Variants in RIC3 observed in about 807,000 individuals in gnomAD.
The protein encoded by RIC3 is protein RIC-3.
Under a neutral mutation model 27.3 loss-of-function variants are expected in RIC3, and 28 were observed. The ratio of observed to expected loss-of-function variants is 1.02; its 90% CI spans 0.76 to 1.41. The LOEUF (loss-of-function observed/expected upper bound fraction) is 1.41, where lower values mean the gene tolerates loss of function less well. Ranked by LOEUF, RIC3 falls within the 40% of genes most tolerant of loss-of-function variation. The pLI is 0.00. For missense variants in RIC3, 501 were observed against 444.7 expected (o/e 1.13, Z -1.14); for synonymous variants, 184 against 160.4 (o/e 1.15, Z -1.11).
At chr11:8,101,664 T>C, downstream of RIC3, 2 of 1,605,012 alleles carry the variant, frequency 1.2e-6, no homozygotes, top group Non-Finnish European at 1.7e-6. Context: ...GGAGCGGAGC[T>C]TGCCTGCCTG....
At chr11:8,144,787 C>A (rs938753825) in intron 1 of RIC3, among the ~76,000 whole-genome samples, 2 of 151,718 alleles carry the variant, frequency 1.3e-5, no homozygotes. Context: ...ACCCAAATGT[C>A]CAACAATGAT....
intron 5 of RIC3, among the ~76,000 whole-genome samples, chr11:8,123,385 C>A (rs1397621192): frequency 6.6e-6 from 1 of 151,748 alleles, no homozygotes; most frequent in Non-Finnish European, 1.5e-5. Flanking sequence ...ACCAAAAGTA[C>A]CAGAAAGAAA....
chr11:8,123,583 A>G (rs1304466118), intron 5 of RIC3, among the ~76,000 whole-genome samples: 1 of 152,208 alleles, frequency 6.6e-6, no homozygotes, highest in Admixed American at 6.5e-5. Context: ...TAATTAGACT[A>G]TATTATGAAC....
At chr11:8,094,083 A>G in the RIC3 span, 1 of 1,614,110 alleles carries the variant, frequency 6.2e-7, no homozygotes, top group East Asian at 2.2e-5. Context: ...TGCAGCTGGG[A>G]GCCACGCGCC....
intron 5 of RIC3, among the ~76,000 whole-genome samples, chr11:8,114,603 T>A (rs1187683121): frequency 8.3e-5 from 4 of 48,396 alleles, no homozygotes; most frequent in African/African-American, 1.9e-4. Context: ...CAAAACTCCA[T>A]CTCAAAAAAA....
rs148235840 is a variant in RIC3, at chr11:8,113,983, G to C, written c.671-2846C>G. Among the ~76,000 whole-genome samples, 955 of 152,228 alleles carry C rather than the reference G, an allele frequency of 6.3e-3. 22 individuals are homozygous for C. The highest frequency in any genetic ancestry group is 0.051 in the Admixed American group (780 of 15,294). On this transcript the variant is annotated intron_variant, in intron 5 of 5. Transcript: ENST00000309737. The stretch of plus-strand genomic sequence containing the variant: ...CACAAGATACAAGCACCAGGTCCAT[G>C]CCTGAGGATCCAATCAACAGGTACA...
At chr11:8,157,010 A>G (rs1003511894) in intron 1 of RIC3, among the ~76,000 whole-genome samples, 2 of 152,192 alleles carry the variant, frequency 1.3e-5, no homozygotes, top group East Asian at 3.8e-4. Flanking sequence ...TTGGCCTGGT[A>G]TTATCAACTA....
the RIC3 span, chr11:8,094,174 A>G: frequency 6.2e-7 from 1 of 1,613,154 alleles, no homozygotes; most frequent in Middle Eastern, 1.7e-4. Context: ...GAAGGAGAAG[A>G]AGGGAAAGCA....
rs1178410809 is a variant in RIC3 at position 8,110,674 on chromosome 11, A to G, written c.*24T>C. On this transcript the variant is annotated 3_prime_UTR_variant, in exon 6 of 6. Coordinates refer to ENST00000309737, the MANE Select transcript of RIC3 (RefSeq NM_001206671.4). ...GAGAGGTCACCTTGGGACTTGAGTA[A>G]TGGATACTTCAGACTGGCTGTTTTC... The G allele has an allele frequency of 1.9e-6, 3 of 1,607,820 alleles. No homozygotes were observed. The highest frequency in any genetic ancestry group is 2.6e-6 in the Non-Finnish European group (3 of 1,174,514).
intron 1 of RIC3, among the ~76,000 whole-genome samples, chr11:8,147,865 T>C (rs1194372119): frequency 6.6e-6 from 1 of 151,890 alleles, no homozygotes; most frequent in Non-Finnish European, 1.5e-5. Flanking sequence ...GTAGCTGGGA[T>C]TACAGGCATG....
intron 5 of RIC3, among the ~76,000 whole-genome samples, chr11:8,125,644 C>G (rs1162386738): frequency 6.6e-6 from 1 of 152,124 alleles, no homozygotes; most frequent in Non-Finnish European, 1.5e-5. Context: ...AAAGTGTTAC[C>G]AAGGATGTGG....
rs1235322910 is a variant in RIC3, at chr11:8,109,213, GTT to G, written c.*1483_*1484del. 1.3e-5 allele frequency: 2 copies of G among 152,148 alleles called. No homozygotes were observed. Among genetic ancestry groups the G allele is most frequent in the Non-Finnish European group, 2.9e-5 (2 of 68,030 alleles). The allele number at this position is 152,148 out of a possible 1,614,324, so 9.4% of individuals were successfully genotyped here. ...GTATGCTGATGTATAATTTTAAACT[GTT>G]TTCCTGGCACCTTATTCATGCCAAG... On this transcript the variant is annotated 3_prime_UTR_variant, in exon 6 of 6. Transcript: ENST00000309737.
At chr11:8,114,788 TAAAA>T (rs56735463) in intron 5 of RIC3, among the ~76,000 whole-genome samples, 7,269 of 151,470 alleles carry the variant, frequency 0.048, 263 homozygotes, top group African/African-American at 0.1. Flanking sequence ...GAAATTATAT[TAAAA>T]AAATCAAACA....
At chr11:8,152,916 T>TTA (rs1411052067) in intron 1 of RIC3, among the ~76,000 whole-genome samples, 1 of 152,056 alleles carries the variant, frequency 6.6e-6, no homozygotes, top group African/African-American at 2.4e-5. Context: ...AGGACTGTCT[T>TTA]TATATAGAGT....
chr11:8,157,227 C>A (rs1950741373), intron 1 of RIC3, among the ~76,000 whole-genome samples: 2 of 152,154 alleles, frequency 1.3e-5, no homozygotes, highest in African/African-American at 4.8e-5. Context: ...ACCTAATATC[C>A]CCCAGTGCTG....
the RIC3 span, chr11:8,097,451 A>G: frequency 9.2e-5 from 149 of 1,614,070 alleles, 1 homozygote; most frequent in Admixed American, 2.4e-3. Flanking sequence ...GCATGTTATC[A>G]TCTAGGCTTT....
chr11:8,154,895 C>T (rs540204225), intron 1 of RIC3, among the ~76,000 whole-genome samples: 4 of 152,206 alleles, frequency 2.6e-5, no homozygotes, highest in African/African-American at 9.6e-5. Context: ...TAAAAGGGAA[C>T]ATGACTAAAT....
At chr11:8,167,822 A>C (rs756724221) in intron 1 of RIC3, among the ~76,000 whole-genome samples, 1 of 152,166 alleles carries the variant, frequency 6.6e-6, no homozygotes, top group Non-Finnish European at 1.5e-5. Flanking sequence ...AGTCCGTCCC[A>C]AGTGGATAGT....
At chr11:8,155,194 C>G (rs1488833652) in intron 1 of RIC3, among the ~76,000 whole-genome samples, 1 of 146,724 alleles carries the variant, frequency 6.8e-6, no homozygotes, top group Non-Finnish European at 1.5e-5. Flanking sequence ...GCGTGATCAG[C>G]CTGGGCAACA....
Sources: allele counts gnomAD v4.1 joint callset (sites outside exome capture counted in the v4.1 genomes callset), GRCh38; gene constraint gnomAD v4.1.1; transcripts MANE v1.5; gene names NCBI Gene and HGNC (gene_info 2026-07-23, HGNC 2026-07-21).